TMEFF2: variants seen among roughly 807,000 people sequenced by gnomAD.
The protein encoded by TMEFF2 is tomoregulin-2.
A neutral mutation model predicts 53.8 loss-of-function variants in TMEFF2; 28 were observed. That is an observed-to-expected ratio of 0.52 (90% CI 0.39 to 0.71). The LOEUF (loss-of-function observed/expected upper bound fraction) is 0.71, where lower values mean the gene tolerates loss of function less well. Ranked by LOEUF, TMEFF2 falls within the 30% of genes least tolerant of loss-of-function variation. The pLI, the probability that TMEFF2 is intolerant of heterozygous loss-of-function variation, is 0.00. For synonymous variants in TMEFF2, 162 were observed against 166.3 expected (o/e 0.97, Z 0.20); for missense variants, 353 against 455.2 (o/e 0.78, Z 2.04).
chr2:192,194,125 C>T lies in TMEFF2; in HGVS notation c.172+228G>A, dbSNP rs1177835598. ...CAGCTCCAATGTAAGCGCAAGCATG[C>T]AAAGGTTTCCTGCTACACCTGCACT... On this transcript the variant is annotated intron_variant, in intron 1 of 9. Coordinates refer to ENST00000272771, the MANE Select transcript of TMEFF2 (RefSeq NM_016192.4). The surrounding 1 kb of genome is among the most constrained non-coding windows in gnomAD (Gnocchi z 4.2). 6.6e-6 allele frequency among the ~76,000 whole-genome samples: 1 copy of T among 152,166 alleles called. No individual in the cohort carries two copies. Among genetic ancestry groups the T allele is most frequent in the Non-Finnish European group, 1.5e-5 (1 of 68,028 alleles).
At chr2:192,046,103 A>G (rs924944499) in intron 5 of TMEFF2, among the ~76,000 whole-genome samples, 2 of 152,070 alleles carry the variant, frequency 1.3e-5, no homozygotes, top group African/African-American at 4.8e-5. Flanking sequence ...TTGAAATCAC[A>G]GTTGTAATTC....
In TMEFF2 at chr2:191,950,332, T is replaced by C. The variant is rs777419272; in HGVS notation, c.1104A>G (p.Arg368=). 3 of 1,613,648 alleles carry C rather than the reference T, an allele frequency of 1.9e-6. No homozygotes were observed. Among genetic ancestry groups the C allele is most frequent in the Non-Finnish European group, 2.5e-6 (3 of 1,179,742 alleles). ...CCCTTTAGATTAACCTCGTGGACGC[T>C]CTTGTTGTATTGTCTGAACTGTAGT... The part of the protein sequence containing the change: ...TGHYSSDNTT[R]ASTRLI Residue 368 remains arginine (R), a synonymous_variant, in exon 10 of 10, where the codon AGA becomes AGG. Transcript: ENST00000272771.
intron 4 of TMEFF2, among the ~76,000 whole-genome samples, chr2:192,101,262 A>G (rs1004977142): frequency 4.6e-5 from 7 of 152,184 alleles, no homozygotes; most frequent in African/African-American, 1.7e-4. Context: ...TACTGGGGTT[A>G]TTACCCAAAA....
At chr2:192,032,190 TAGA>T (rs1687155482) in intron 5 of TMEFF2, among the ~76,000 whole-genome samples, 1 of 152,188 alleles carries the variant, frequency 6.6e-6, no homozygotes, top group South Asian at 2.1e-4. Flanking sequence ...TTACATGACT[TAGA>T]AGGTCAGATG....
intron 4 of TMEFF2, among the ~76,000 whole-genome samples, chr2:192,169,277 A>G (rs1400314545): frequency 6.6e-6 from 1 of 152,178 alleles, no homozygotes. Context: ...GTCTTGGAAT[A>G]TGAATGATGT....
chr2:192,074,945 G>C (rs1157593578), intron 4 of TMEFF2, among the ~76,000 whole-genome samples: 1 of 151,736 alleles, frequency 6.6e-6, no homozygotes, highest in African/African-American at 2.4e-5. Context: ...GTGTCTATGT[G>C]TGTTATTTTT....
chr2:192,068,983 T>C (rs1348335060), intron 4 of TMEFF2, among the ~76,000 whole-genome samples: 1 of 151,682 alleles, frequency 6.6e-6, no homozygotes, highest in Non-Finnish European at 1.5e-5. Flanking sequence ...GTTTTTTTTT[T>C]TTCTTCTGGA....
At chr2:192,120,727 T>C (rs547188870) in intron 4 of TMEFF2, among the ~76,000 whole-genome samples, 11 of 152,130 alleles carry the variant, frequency 7.2e-5, no homozygotes, top group African/African-American at 2.7e-4. Context: ...CTTTCATAAA[T>C]TTATTGAATA....
intron 4 of TMEFF2, among the ~76,000 whole-genome samples, chr2:192,122,687 G>A (rs1440960300): frequency 6.6e-6 from 1 of 151,914 alleles, no homozygotes; most frequent in Non-Finnish European, 1.5e-5. Flanking sequence ...AGAATAATAA[G>A]TAATTAGAAG....
intron 5 of TMEFF2, among the ~76,000 whole-genome samples, chr2:192,014,790 TG>T (rs1224329560): frequency 6.6e-6 from 1 of 152,212 alleles, no homozygotes; most frequent in East Asian, 1.9e-4. Flanking sequence ...CTACTTTCTG[TG>T]GGTTCAAAAG....
At chr2:192,191,406 G>T (rs1277163038) in intron 2 of TMEFF2, among the ~76,000 whole-genome samples, 2 of 152,040 alleles carry the variant, frequency 1.3e-5, no homozygotes, top group Admixed American at 1.3e-4. Context: ...AGAACAAAGT[G>T]TTGAGGTTAC....
At chr2:192,095,251 A>T (rs1375425033) in intron 4 of TMEFF2, among the ~76,000 whole-genome samples, 5 of 152,194 alleles carry the variant, frequency 3.3e-5, no homozygotes, top group African/African-American at 7.2e-5. Flanking sequence ...TTGAAGCCAT[A>T]GAGAAGCCTC....
chr2:192,158,332 T>C (rs1038239424), intron 4 of TMEFF2, among the ~76,000 whole-genome samples: 1 of 150,828 alleles, frequency 6.6e-6, no homozygotes, highest in African/African-American at 2.4e-5. Flanking sequence ...ATCTCTGATA[T>C]ATTGTGTGTC....
At chr2:192,127,257 G>C (rs1689699045) in intron 4 of TMEFF2, among the ~76,000 whole-genome samples, 1 of 152,090 alleles carries the variant, frequency 6.6e-6, no homozygotes, top group Non-Finnish European at 1.5e-5. Flanking sequence ...TGTTCATCAA[G>C]GTATAATTTT....
chr2:192,101,851 A>T (rs1175748563), intron 4 of TMEFF2, among the ~76,000 whole-genome samples: 2 of 152,218 alleles, frequency 1.3e-5, no homozygotes. Context: ...GGGGACAGTC[A>T]GGTCCACAAA....
Position 192,194,393 on chromosome 2 carries a change from G to A in TMEFF2, c.132C>T (p.Ser44=). Residue 44 remains serine, a synonymous_variant, in exon 1 of 10, where the codon TCC becomes TCT. Coordinates refer to ENST00000272771, the MANE Select transcript of TMEFF2 (RefSeq NM_016192.4). The surrounding 1 kb of genome is among the most constrained non-coding windows in gnomAD (Gnocchi z 4.2). ...CGGTGGGCGTTTGGCAGTCACTTAA[G>A]GAGGTAGGGAAAGCAGCGAGCTTCA... The part of the protein sequence containing the change: ...RPVKLAAFPT[S]LSDCQTPTGW... 2 of 1,614,208 alleles carry A rather than the reference G, an allele frequency of 1.2e-6. No homozygotes were observed. The highest frequency in any genetic ancestry group is 1.3e-5 in the African/African-American group (1 of 75,052).
At chr2:192,004,318 T>C (rs1686445892) in intron 5 of TMEFF2, among the ~76,000 whole-genome samples, 1 of 152,208 alleles carries the variant, frequency 6.6e-6, no homozygotes. Context: ...GTAATCTTGA[T>C]GGCATCAAAG....
At chr2:192,073,498 C>G (rs1688338474) in intron 4 of TMEFF2, among the ~76,000 whole-genome samples, 1 of 151,686 alleles carries the variant, frequency 6.6e-6, no homozygotes, top group Admixed American at 6.6e-5. Flanking sequence ...TCATCAGCAG[C>G]CCAACATTAG....
intron 7 of TMEFF2, among the ~76,000 whole-genome samples, chr2:191,959,401 A>G (rs73044374): frequency 0.016 from 2,462 of 152,340 alleles, 59 homozygotes; most frequent in South Asian, 0.049. Context: ...GCTAGTCAAC[A>G]CTTCAGTCAA....
Sources: gnomAD v4.1 joint callset for allele counts (sites outside exome capture counted in the v4.1 genomes callset) on GRCh38, gnomAD v4.1.1 for gene constraint, Gnocchi (gnomAD v3.1) non-coding constraint, MANE v1.5 for transcripts, NCBI Gene and HGNC (gene_info 2026-07-23, HGNC 2026-07-21) for gene names.